Variants in SNED1 observed in about 807,000 individuals in gnomAD.
SNED1 encodes the protein sushi, nidogen and EGF like domains 1.
In SNED1, 81 loss-of-function variants were observed where a neutral mutation model predicts 166.7. That is an observed-to-expected ratio of 0.49 (90% CI 0.41 to 0.58). The LOEUF (loss-of-function observed/expected upper bound fraction) is 0.58, where lower values mean the gene tolerates loss of function less well. Among genes scored for constraint, SNED1 ranks in the 20% least tolerant of loss-of-function variants. SNED1 has a pLI of 0.00. For missense variants in SNED1, 1,604 were observed against 2,000.2 expected, an observed-to-expected ratio of 0.80 and a Z score of 3.78; for synonymous variants, 762 against 822.0, an observed-to-expected ratio of 0.93 and a Z score of 1.25.
intron 21 of SNED1, among the ~76,000 whole-genome samples, chr2:241,066,482 G>C (rs953289056): frequency 1.3e-5 from 2 of 152,228 alleles, no homozygotes; most frequent in African/African-American, 2.4e-5. Context: ...GGAACCAAGT[G>C]GGGTGCAGGG....
At chr2:241,076,995 C>T (rs546336203) in intron 27 of SNED1, among the ~76,000 whole-genome samples, 118 of 151,710 alleles carry the variant, frequency 7.8e-4, no homozygotes, top group Non-Finnish European at 1.3e-3. Context: ...AGGAGAATGG[C>T]GTGAACCCGG....
In SNED1 at chr2:241,070,180, G is replaced by T; in HGVS notation, c.3568G>T (p.Ala1190Ser). The T allele has an allele frequency of 1.3e-6, 2 of 1,583,028 alleles. No homozygotes were observed. Among genetic ancestry groups the T allele is most frequent in the Non-Finnish European group, 1.7e-6 (2 of 1,170,664 alleles). Residue 1190 changes from alanine to serine, a missense_variant, in exon 24 of 32, where the codon GCC becomes TCC. By Grantham distance (99) the Ala-to-Ser change is moderately conservative. Around this residue, in one of 2 missense-constraint regions of SNED1, gnomAD observed 367 missense variants for 379.4 expected, o/e 0.97. Transcript: ENST00000310397. ...GCTCGGGCCGCAGCACAGCGAGCCCGCCCACCTCTACATCATCACCTGTGA... is the reference window on the plus strand; with the variant it reads ...GCTCGGGCCGCAGCACAGCGAGCCCTCCCACCTCTACATCATCACCTGTGA... ...TELGPQHSEPAHLYIITSPRD... is the reference protein window; with the variant it reads ...TELGPQHSEPSHLYIITSPRD...
chr2:241,072,061 C>T (rs1332550165), intron 26 of SNED1, 183 bp downstream of exon 26: 1 of 708,760 alleles, frequency 1.4e-6, no homozygotes, highest in South Asian at 1.5e-5. Flanking sequence ...GCATGCACCT[C>T]CATGGCAGGA....
In SNED1 at chr2:241,040,394, G is replaced by A. The variant is rs1171494742; in HGVS notation, c.1254G>A (p.Lys418=). ...NYTCLCAEPF[K]GLRCETGDHP... The stretch of plus-strand genomic sequence containing the variant: ...CCTGCTTGTGTGCCGAGCCCTTCAA[G>A]GGACTTCGCTGTGAGACAGGTAACT... The change falls in exon 8 of 32, where the codon AAG becomes AAA. Residue 418 remains lysine, a synonymous_variant. Coordinates refer to ENST00000310397, the MANE Select transcript of SNED1 (RefSeq NM_001080437.3). 4.4e-6 allele frequency: 7 copies of A among 1,599,104 alleles called. No individual in the cohort carries two copies. Among genetic ancestry groups the A allele is most frequent in the Non-Finnish European group, 5.1e-6 (6 of 1,172,630 alleles).
chr2:241,087,501 C>T lies in SNED1; in HGVS notation c.4205+26C>T, dbSNP rs746314946. On this transcript the variant is annotated intron_variant, in intron 30 of 31. Coordinates refer to ENST00000310397, the MANE Select transcript of SNED1 (RefSeq NM_001080437.3). ...GTGCCTCTGGGGAGCAGGCCCATGC[C>T]GTGTCCTGCATGTAGCCCACAGGGT... 361 of 1,584,128 alleles carry T rather than the reference C, an allele frequency of 2.3e-4. No homozygotes were observed. The Middle Eastern group carries it at 6.2e-3, about 27-fold the overall frequency.
At chr2:241,071,446 G>A (rs149682079) in intron 24 of SNED1, 130 bp from the exon 25 acceptor site, 3 of 1,083,212 alleles carry the variant, frequency 2.8e-6, no homozygotes, top group Non-Finnish European at 4.0e-6. Flanking sequence ...GATGACCACG[G>A]CCCACGCACA....
Position 241,093,173 on chromosome 2 carries a change from T to C in SNED1, c.*1537T>C, listed in dbSNP as rs2064151646. ...GCTGTTCCCCAGGCTCCAGACCCACTTGAGAGCAGAAGGTGGAGCTCAATG... is the reference window on the plus strand; with the variant it reads ...GCTGTTCCCCAGGCTCCAGACCCACCTGAGAGCAGAAGGTGGAGCTCAATG... On this transcript the variant is annotated 3_prime_UTR_variant, in exon 32 of 32. Transcript: ENST00000310397. The C allele has an allele frequency of 6.6e-6, 1 of 152,554 alleles. No individual in the cohort carries two copies. Among genetic ancestry groups the C allele is most frequent in the Admixed American group, 6.5e-5 (1 of 15,282 alleles). The allele number at this position is 152,554 out of a possible 1,614,324, so 9.5% of individuals were successfully genotyped here.
In SNED1 at chr2:241,030,262, G is replaced by A. The variant is rs58788201; in HGVS notation, c.214-22G>A. 9.8e-3 allele frequency: 15,106 copies of A among 1,544,892 alleles called. 1,036 individuals are homozygous for A. The African/African-American group carries it at 0.17, about 17-fold the overall frequency. ...TGCCCACAGCCCCCAGTCAATCCCC[G>A]CTCTGGCTTTCTGCCTCCCAGGTGA... is the stretch of plus-strand genomic sequence containing the variant. On this transcript the variant is annotated intron_variant, in intron 1 of 31. Transcript: ENST00000310397.
chr2:241,034,887 A>G (rs2061298120), intron 4 of SNED1, among the ~76,000 whole-genome samples, 157 bp downstream of exon 4: 1 of 152,012 alleles, frequency 6.6e-6, no homozygotes, highest in African/African-American at 2.4e-5. Context: ...AAACTAAGGA[A>G]AGCCTGGCTG....
In SNED1 at chr2:241,069,638, G is replaced by T. The variant is rs1439591231; in HGVS notation, c.3308-282G>T. On this transcript the variant is annotated intron_variant, in intron 23 of 31. Coordinates refer to ENST00000310397, the MANE Select transcript of SNED1 (RefSeq NM_001080437.3). The surrounding 1 kb of genome is among the most constrained non-coding windows in gnomAD (Gnocchi z 4.9). ...AGCCAGGCTCAGGGGAACCGACTGTGCCGCAGGGAGGGCGCCAGCTGACGG... is the reference window on the plus strand; with the variant it reads ...AGCCAGGCTCAGGGGAACCGACTGTTCCGCAGGGAGGGCGCCAGCTGACGG... Among the ~76,000 whole-genome samples the T allele has an allele frequency of 1.3e-5, 2 of 152,172 alleles. No individual in the cohort carries two copies. The highest frequency in any genetic ancestry group is 4.8e-5 in the African/African-American group (2 of 41,446).
At chr2:241,067,160 G>C (rs2062489766) in intron 21 of SNED1, among the ~76,000 whole-genome samples, 1 of 152,230 alleles carries the variant, frequency 6.6e-6, no homozygotes, top group African/African-American at 2.4e-5. Context: ...GCCAGCCATG[G>C]TGGGTGGAAG....
intron 1 of SNED1, among the ~76,000 whole-genome samples, chr2:241,006,356 T>C (rs960230819): frequency 5.3e-5 from 8 of 152,240 alleles, no homozygotes; most frequent in African/African-American, 1.9e-4. Flanking sequence ...AATTTCAGCA[T>C]ATACTTTTTA....
rs756767411 is a variant in SNED1 at position 241,030,350 on chromosome 2, A to G, written c.280A>G (p.Ile94Val). 4 of 1,609,946 alleles carry G rather than the reference A, an allele frequency of 2.5e-6. No homozygotes were observed. The highest frequency in any genetic ancestry group is 1.1e-5 in the South Asian group (1 of 90,186). Residue 94 changes from isoleucine (I) to valine (V), a missense_variant, in exon 2 of 32, where the codon ATT becomes GTT. Ile to Val is a conservative substitution (Grantham distance 29). Coordinates refer to ENST00000310397, the MANE Select transcript of SNED1 (RefSeq NM_001080437.3). ...TCAGTTCACCCCAGTGGCCTTCCCC[A>G]TTGCCAAGGACCGCTGCGTGGTGGC... ...VSQFTPVAFP[I>V]AKDRCVVAAF...
Position 241,040,197 on chromosome 2 carries a change from C to T in SNED1, c.1159+9C>T. On this transcript the variant is annotated intron_variant, in intron 7 of 31. Coordinates refer to ENST00000310397, the MANE Select transcript of SNED1 (RefSeq NM_001080437.3). Reference sequence around the variant, plus strand: ...AGCAGCCTGCGAGATGGGTGAGTGGCCTGGCTTCGGATTGGAGAGGGGCTC... The same window carrying T: ...AGCAGCCTGCGAGATGGGTGAGTGGTCTGGCTTCGGATTGGAGAGGGGCTC... The T allele has an allele frequency of 6.3e-7, 1 of 1,584,836 alleles. No homozygotes were observed. Among genetic ancestry groups the T allele is most frequent in the East Asian group, 2.3e-5 (1 of 43,344 alleles).
Position 241,032,583 on chromosome 2 carries a change from A to G in SNED1, c.502-1152A>G, listed in dbSNP as rs112629557. On this transcript the variant is annotated intron_variant, in intron 2 of 31. Transcript: ENST00000310397. ...ACACCAACATGGCACATGTATACATATGTAACAAACCTGCACGTTGTGCAC... is the reference window on the plus strand; with the variant it reads ...ACACCAACATGGCACATGTATACATGTGTAACAAACCTGCACGTTGTGCAC... 6.7e-3 allele frequency among the ~76,000 whole-genome samples: 1,014 copies of G among 152,260 alleles called. 17 individuals carry two copies. The highest frequency in any genetic ancestry group is 0.023 in the African/African-American group (957 of 41,542).
chr2:241,079,130 A>AG (rs35283409), intron 27 of SNED1, among the ~76,000 whole-genome samples: 5 of 142,952 alleles, frequency 3.5e-5, no homozygotes, highest in Admixed American at 7.1e-5. Flanking sequence ...AAAAAAAAAA[A>AG]GGCCGGGCGC....
At chr2:241,087,738 TG>T in intron 30 of SNED1, 3 of 1,295,342 alleles carry the variant, frequency 2.3e-6, no homozygotes, top group Non-Finnish European at 3.0e-6. Flanking sequence ...ACACAGAACA[TG>T]GTGCTACAAT....
At chr2:241,035,360 C>T (rs1326023348) in intron 4 of SNED1, among the ~76,000 whole-genome samples, 3 of 152,262 alleles carry the variant, frequency 2.0e-5, no homozygotes, top group East Asian at 1.9e-4. Context: ...GGGTGTCCCT[C>T]CCAGGGGTGG....
At chr2:241,044,253 A>G (rs1185366925) in intron 8 of SNED1, among the ~76,000 whole-genome samples, 1 of 152,250 alleles carries the variant, frequency 6.6e-6, no homozygotes, top group Non-Finnish European at 1.5e-5. Flanking sequence ...AATAAAAGGC[A>G]AAGATTGTCA....
Sources: gnomAD v4.1 joint callset for allele counts (sites outside exome capture counted in the v4.1 genomes callset) on GRCh38, gnomAD v4.1.1 for gene constraint, gnomAD v4.1.1 regional missense constraint, Gnocchi (gnomAD v3.1) non-coding constraint, MANE v1.5 for transcripts, NCBI Gene and HGNC (gene_info 2026-07-23, HGNC 2026-07-21) for gene names.